The following NRG1 variants were observed in gnomAD, a reference collection of about 807,000 sequenced individuals.
NRG1 encodes the protein pro-neuregulin-1, membrane-bound isoform.
NRG1 carries 18 observed loss-of-function variants against 63.8 expected under a neutral mutation model. The ratio of observed to expected loss-of-function variants is 0.28; its 90% confidence interval spans 0.19 to 0.42. The LOEUF is 0.42. Ranked by LOEUF, NRG1 falls within the 10% of genes least tolerant of loss-of-function variation. NRG1 has a pLI of 1.00. For missense variants in NRG1, 762 were observed against 814.7 expected, an observed-to-expected ratio of 0.94 and a Z score of 0.79; for synonymous variants, 302 against 301.3, an observed-to-expected ratio of 1.00 and a Z score of -0.02.
intron 1 of NRG1, among the ~76,000 whole-genome samples, chr8:31,974,404 A>C (rs1012497627): frequency 1.3e-5 from 2 of 152,124 alleles, no homozygotes; most frequent in Non-Finnish European, 2.9e-5. Context: ...TCCTGGCCTC[A>C]AGTGATCCTC....
intron 6 of NRG1, among the ~76,000 whole-genome samples, chr8:32,735,167 G>GTA (rs113382166): frequency 0.01 from 1,536 of 152,226 alleles, 21 homozygotes; most frequent in African/African-American, 0.035. Flanking sequence ...ATATTTCATT[G>GTA]TGTATATATA....
chr8:31,679,726 A>C (rs2131051604), intron 1 of NRG1, among the ~76,000 whole-genome samples: 1 of 152,260 alleles, frequency 6.6e-6, no homozygotes, highest in Non-Finnish European at 1.5e-5. Context: ...ACAATACAAT[A>C]AGAAAAAGAA....
At chr8:31,752,142 C>G (rs1344388804) in intron 1 of NRG1, among the ~76,000 whole-genome samples, 2 of 151,904 alleles carry the variant, frequency 1.3e-5, no homozygotes, top group Non-Finnish European at 2.9e-5. Flanking sequence ...CAAGGAGAAA[C>G]AGAATAATCC....
intron 1 of NRG1, among the ~76,000 whole-genome samples, chr8:32,014,521 G>A (rs1360545407): frequency 1.3e-5 from 2 of 152,050 alleles, no homozygotes; most frequent in Non-Finnish European, 2.9e-5. Flanking sequence ...GACTAGAGGA[G>A]CCAAGGAACA....
intron 1 of NRG1, among the ~76,000 whole-genome samples, chr8:32,373,845 A>T (rs529596528): frequency 3.9e-5 from 6 of 152,236 alleles, no homozygotes; most frequent in Non-Finnish European, 7.4e-5. Flanking sequence ...AGTATATTTT[A>T]AAAAAAACTT....
intron 1 of NRG1, among the ~76,000 whole-genome samples, chr8:32,044,023 G>T (rs907387013): frequency 5.9e-5 from 9 of 151,718 alleles, no homozygotes; most frequent in Non-Finnish European, 1.0e-4. Flanking sequence ...AATAAATAAA[G>T]AAAAATGTAT....
intron 1 of NRG1, among the ~76,000 whole-genome samples, chr8:32,330,384 C>T (rs1802507517): frequency 6.6e-6 from 1 of 152,038 alleles, no homozygotes; most frequent in Admixed American, 6.6e-5. Context: ...TAGAGAGTTG[C>T]CTTAGATGAA....
At chr8:32,142,922 G>C (rs1020053393) in intron 1 of NRG1, among the ~76,000 whole-genome samples, 1 of 152,152 alleles carries the variant, frequency 6.6e-6, no homozygotes, top group Admixed American at 6.5e-5. Context: ...GTCTGCCTTC[G>C]TCTTCAGAAA....
chr8:32,693,715 G>C (rs1398044606), intron 5 of NRG1, among the ~76,000 whole-genome samples: 1 of 152,000 alleles, frequency 6.6e-6, no homozygotes, highest in Non-Finnish European at 1.5e-5. Flanking sequence ...ATCCCCCTTG[G>C]AGAAAATGTA....
At chr8:31,921,692 T>G (rs1297652235) in intron 1 of NRG1, among the ~76,000 whole-genome samples, 1 of 152,198 alleles carries the variant, frequency 6.6e-6, no homozygotes, top group Non-Finnish European at 1.5e-5. Context: ...TTAGTTCATT[T>G]TGCATGCTGT....
chr8:32,479,425 C>T (rs187477037), intron 1 of NRG1, among the ~76,000 whole-genome samples: 44 of 151,582 alleles, frequency 2.9e-4, no homozygotes, highest in Middle Eastern at 6.8e-3. Flanking sequence ...TGCAGTGAGC[C>T]GAGATCGTAC....
At chr8:32,190,597 C>T (rs183330346) in intron 1 of NRG1, among the ~76,000 whole-genome samples, 62 of 152,260 alleles carry the variant, frequency 4.1e-4, no homozygotes, top group South Asian at 8.3e-4. Context: ...ACCAAAACAG[C>T]TATCGGGATG....
At chr8:32,193,511 T>A (rs1273480077) in intron 1 of NRG1, among the ~76,000 whole-genome samples, 1 of 152,122 alleles carries the variant, frequency 6.6e-6, no homozygotes, top group Non-Finnish European at 1.5e-5. Context: ...ACATTTGACT[T>A]TAGGATGCAA....
chr8:31,921,939 T>A (rs1271370482), intron 1 of NRG1, among the ~76,000 whole-genome samples: 2 of 152,186 alleles, frequency 1.3e-5, no homozygotes, highest in African/African-American at 4.8e-5. Flanking sequence ...TTTTTAATTC[T>A]ATGAAGGAAA....
intron 1 of NRG1, among the ~76,000 whole-genome samples, chr8:32,383,374 A>G (rs776810469): frequency 7.9e-5 from 12 of 152,174 alleles, no homozygotes; most frequent in Non-Finnish European, 1.8e-4. Context: ...GGAACAGGTC[A>G]ACTTGGTTAT....
chr8:32,555,599 G>A (rs1164190141), intron 1 of NRG1, among the ~76,000 whole-genome samples: 2 of 152,166 alleles, frequency 1.3e-5, no homozygotes, highest in African/African-American at 4.8e-5. Flanking sequence ...AGCCTCCCGA[G>A]TAGCTGGGAC....
chr8:32,130,646 T>C (rs141051669), intron 1 of NRG1, among the ~76,000 whole-genome samples: 2 of 152,060 alleles, frequency 1.3e-5, no homozygotes, highest in East Asian at 1.9e-4. Flanking sequence ...TGTGCTGAAA[T>C]AGACATTTTA....
intron 1 of NRG1, among the ~76,000 whole-genome samples, chr8:32,583,306 T>C (rs1413083734): frequency 1.3e-5 from 2 of 152,188 alleles, no homozygotes; most frequent in Non-Finnish European, 2.9e-5. Context: ...CCCCTCCTTT[T>C]TCTGCTCAAG....
intron 1 of NRG1, among the ~76,000 whole-genome samples, chr8:32,058,110 A>G (rs2130882971): frequency 6.6e-6 from 1 of 152,248 alleles, no homozygotes; most frequent in South Asian, 2.1e-4. Context: ...GTAGCCCAAA[A>G]ATATGTACAA....
Sources: allele counts gnomAD v4.1 joint callset (sites outside exome capture counted in the v4.1 genomes callset), GRCh38; gene constraint gnomAD v4.1.1; transcripts MANE v1.5; gene names NCBI Gene and HGNC (gene_info 2026-07-23, HGNC 2026-07-21).